The following ZZEF1 variants were observed in gnomAD, a reference collection of about 807,000 sequenced individuals.
The protein encoded by ZZEF1 is zinc finger ZZ-type and EF-hand domain-containing protein 1.
ZZEF1 carries 157 observed loss-of-function variants against 342.8 expected under a neutral mutation model. The observed-to-expected ratio is 0.46, with a 90% confidence interval of 0.40 to 0.52. The LOEUF (loss-of-function observed/expected upper bound fraction) is 0.52, where lower values mean the gene tolerates loss of function less well. Among genes scored for constraint, ZZEF1 ranks in the 20% least tolerant of loss-of-function variants. The pLI, the probability that ZZEF1 is intolerant of heterozygous loss-of-function variation, is 0.00. For synonymous variants in ZZEF1, 1,505 were observed against 1,429.1 expected, an observed-to-expected ratio of 1.05 and a Z score of -1.20; for missense variants, 3,480 against 3,725.6, an observed-to-expected ratio of 0.93 and a Z score of 1.72.
chr17:4,066,461 T>G lies in ZZEF1; in HGVS notation c.4235A>C (p.Asn1412Thr). Residue 1412 changes from asparagine (N) to threonine (T), a missense_variant, in exon 28 of 55, where the codon AAC becomes ACC. This residue lies in a region of ZZEF1 where 1,528 missense variants were observed against 1,624.1 expected (regional missense o/e 0.94). Coordinates refer to ENST00000381638, the MANE Select transcript of ZZEF1 (RefSeq NM_015113.4). ...EKHSSEATEV[N>T]PESLAKECIE... ...AGCACACTCACCCAGGCTCTCAGGGTTCACCTCAGTAGCTTCTGAACTATG... is the reference window on the plus strand; with the variant it reads ...AGCACACTCACCCAGGCTCTCAGGGGTCACCTCAGTAGCTTCTGAACTATG... The G allele has an allele frequency of 6.2e-7, 1 of 1,614,056 alleles. No homozygotes were observed. The highest frequency in any genetic ancestry group is 8.5e-7 in the Non-Finnish European group (1 of 1,179,994).
chr17:4,123,861 C>T, intron 2 of ZZEF1, 46 bp downstream of exon 2: 1 of 1,597,080 alleles, frequency 6.3e-7, no homozygotes. Flanking sequence ...AGTAGTATAG[C>T]AAAGTTCACT....
At chr17:4,100,634 G>A (rs564922851) in intron 9 of ZZEF1, among the ~76,000 whole-genome samples, 1 of 152,262 alleles carries the variant, frequency 6.6e-6, no homozygotes, top group South Asian at 2.1e-4. Context: ...AGGAGATCGA[G>A]ACCATCCTGG....
chr17:4,090,677 A>C, intron 12 of ZZEF1, 42 bp downstream of exon 12: 1 of 1,509,514 alleles, frequency 6.6e-7, no homozygotes, highest in Non-Finnish European at 9.2e-7. Flanking sequence ...AAAAACACAG[A>C]ATAAAAGGAG....
At chr17:4,127,201 A>G (rs1390350863) in intron 1 of ZZEF1, among the ~76,000 whole-genome samples, 2 of 151,950 alleles carry the variant, frequency 1.3e-5, no homozygotes, top group African/African-American at 4.8e-5. Context: ...GGGGTCTCAC[A>G]CTTTGCTGCC....
chr17:4,106,596 C>A (rs903224169), intron 6 of ZZEF1, among the ~76,000 whole-genome samples: 1 of 152,112 alleles, frequency 6.6e-6, no homozygotes, highest in Non-Finnish European at 1.5e-5. Context: ...CGTCTCCATT[C>A]CTGCCATGTT....
chr17:4,123,757 A>T, intron 2 of ZZEF1, 150 bp downstream of exon 2: 1 of 861,732 alleles, frequency 1.2e-6, no homozygotes, highest in Admixed American at 3.4e-5. Context: ...GATGAAAGAG[A>T]TGACTAAAGG....
At chr17:4,011,841 G>C (rs1038560260) in intron 52 of ZZEF1, among the ~76,000 whole-genome samples, 6 of 152,206 alleles carry the variant, frequency 3.9e-5, no homozygotes, top group African/African-American at 1.4e-4. Flanking sequence ...TTCCAGCTGG[G>C]TTTTCAGAGA....
Position 4,142,691 on chromosome 17 carries a change from A to AG in ZZEF1, c.204dup (p.Cys69LeufsTer45), listed in dbSNP as rs758883508. ...CGATGCCTCGACACCAGCGACTCGC[A>AG]GGGGGGTGTGGGCAGCAACGCTGCA... On this transcript the variant is annotated frameshift_variant, in exon 1 of 55. Coordinates refer to ENST00000381638, the MANE Select transcript of ZZEF1 (RefSeq NM_015113.4). LOFTEE classifies it high-confidence loss of function. The AG allele has an allele frequency of 6.2e-7, 1 of 1,604,702 alleles. No individual in the cohort carries two copies.
rs753959184 is a variant in ZZEF1, at chr17:4,096,600, G to A, written c.1764+9C>T. The A allele has an allele frequency of 2.3e-5, 37 of 1,611,678 alleles. No homozygotes were observed. The highest frequency in any genetic ancestry group is 2.9e-5 in the Non-Finnish European group (34 of 1,178,446). On this transcript the variant is annotated intron_variant, in intron 10 of 54. Transcript: ENST00000381638. ...TAACATTGCTTAAAGAAGGTAGCAC[G>A]AAAATTACCATAATTCTTATCTGTG... is the stretch of plus-strand genomic sequence containing the variant.
At chr17:4,086,800 G>T (rs888366518) in intron 14 of ZZEF1, 145 bp from the exon 15 acceptor site, 1 of 737,016 alleles carries the variant, frequency 1.4e-6, no homozygotes, top group Admixed American at 2.7e-5. Context: ...GAGGAAGAAG[G>T]GTGGACCAGA....
intron 6 of ZZEF1, 140 bp from the exon 7 acceptor site, chr17:4,105,949 C>G: frequency 1.6e-6 from 1 of 642,872 alleles, no homozygotes; most frequent in Non-Finnish European, 2.6e-6. Context: ...ACAATATAAA[C>G]TGGCCCTTCT....
At chr17:4,121,886 C>T (rs2058489000) in intron 2 of ZZEF1, among the ~76,000 whole-genome samples, 1 of 151,908 alleles carries the variant, frequency 6.6e-6, no homozygotes, top group Non-Finnish European at 1.5e-5. Context: ...CCATGACCTG[C>T]TAATTTTTTT....
intron 40 of ZZEF1, 92 bp downstream of exon 40, chr17:4,033,923 A>C: frequency 6.6e-7 from 1 of 1,525,654 alleles, no homozygotes; most frequent in African/African-American, 1.4e-5. Flanking sequence ...TAGCACACCG[A>C]AATTAATCAA....
At chr17:4,013,400 T>C (rs2056016410) in intron 52 of ZZEF1, 49 bp downstream of exon 52, 1 of 1,499,966 alleles carries the variant, frequency 6.7e-7, no homozygotes, top group Admixed American at 2.1e-5. Flanking sequence ...AGCCACAGAG[T>C]GGGGATACAT....
At chr17:4,090,578 G>A in intron 12 of ZZEF1, 141 bp downstream of exon 12, 1 of 660,604 alleles carries the variant, frequency 1.5e-6, no homozygotes, top group Non-Finnish European at 2.7e-6. Context: ...TTACACATCT[G>A]TCTCTCCCAC....
chr17:4,068,612 G>C (rs747556764), intron 26 of ZZEF1, among the ~76,000 whole-genome samples: 2 of 152,128 alleles, frequency 1.3e-5, no homozygotes, highest in Admixed American at 6.5e-5. Flanking sequence ...TTTAAAGAAA[G>C]ATCTATGAGG....
At chr17:4,125,030 A>G (rs2058551677) in intron 1 of ZZEF1, among the ~76,000 whole-genome samples, 1 of 152,194 alleles carries the variant, frequency 6.6e-6, no homozygotes, top group Non-Finnish European at 1.5e-5. Context: ...GCCTGGATTA[A>G]GTAACATTTG....
At chr17:4,024,422 C>T (rs2056356893) in intron 43 of ZZEF1, among the ~76,000 whole-genome samples, 1 of 152,142 alleles carries the variant, frequency 6.6e-6, no homozygotes, top group East Asian at 1.9e-4. Flanking sequence ...TGGTCTTGAA[C>T]TCCTGAGCTC....
intron 29 of ZZEF1, 88 bp downstream of exon 29, chr17:4,064,273 G>A (rs2057345443): frequency 3.4e-5 from 35 of 1,022,834 alleles, no homozygotes; most frequent in Middle Eastern, 2.2e-4. Flanking sequence ...TTATTTGTTC[G>A]TTTTTAACAT....
Sources: gnomAD v4.1 joint callset for allele counts (sites outside exome capture counted in the v4.1 genomes callset) on GRCh38, gnomAD v4.1.1 for gene constraint, gnomAD v4.1.1 regional missense constraint, MANE v1.5 for transcripts, NCBI Gene and HGNC (gene_info 2026-07-23, HGNC 2026-07-21) for gene names.